Variants in RBMS3 observed in about 807,000 individuals in gnomAD.
RBMS3 encodes the protein RNA-binding motif, single-stranded-interacting protein 3.
Under a neutral mutation model 66.8 loss-of-function variants are expected in RBMS3, and 27 were observed. The ratio of observed to expected loss-of-function variants is 0.40; its 90% CI spans 0.30 to 0.56. The LOEUF (loss-of-function observed/expected upper bound fraction) is 0.56. Among genes scored for constraint, RBMS3 ranks in the 20% least tolerant of loss-of-function variants. The pLI is 0.40. For synonymous variants in RBMS3, 188 were observed against 183.0 expected (o/e 1.03, Z -0.22); for missense variants, 513 against 549.5 (o/e 0.93, Z 0.66).
At chr3:29,445,369 A>G (rs140972790) in intron 2 of RBMS3, among the ~76,000 whole-genome samples, 1 of 151,766 alleles carries the variant, frequency 6.6e-6, no homozygotes, top group Non-Finnish European at 1.5e-5. Context: ...AGAAACAAAT[A>G]AGGATCAATA....
At chr3:29,959,767 G>T (rs1696296490) in intron 12 of RBMS3, among the ~76,000 whole-genome samples, 1 of 152,076 alleles carries the variant, frequency 6.6e-6, no homozygotes, top group Non-Finnish European at 1.5e-5. Context: ...CAGCAGCAAG[G>T]AGAAGTGCCA....
intron 12 of RBMS3, among the ~76,000 whole-genome samples, chr3:29,962,723 G>A (rs1010143534): frequency 1.3e-5 from 2 of 151,820 alleles, no homozygotes; most frequent in Non-Finnish European, 2.9e-5. Flanking sequence ...TTTCATAACT[G>A]AAAGCATCTA....
intron 6 of RBMS3, among the ~76,000 whole-genome samples, chr3:29,774,029 C>T (rs2056328454): frequency 6.6e-6 from 1 of 152,072 alleles, no homozygotes; most frequent in Non-Finnish European, 1.5e-5. Flanking sequence ...AAGTCTGTTT[C>T]TGGTGAACCC....
intron 3 of RBMS3, among the ~76,000 whole-genome samples, chr3:29,514,650 CATATATATATATATAT>C (rs10601940): frequency 2.9e-5 from 3 of 103,690 alleles, no homozygotes; most frequent in African/African-American, 4.6e-5. Context: ...GTGATAGGCA[CATATATATATATATAT>C]ATATATATAT....
chr3:29,638,594 A>G (rs995555099), intron 4 of RBMS3, among the ~76,000 whole-genome samples: 1 of 151,890 alleles, frequency 6.6e-6, no homozygotes, highest in Admixed American at 6.6e-5. Flanking sequence ...CACTATTTGC[A>G]GTACAATTCG....
At chr3:29,463,877 T>A (rs924171420) in intron 2 of RBMS3, among the ~76,000 whole-genome samples, 3 of 152,106 alleles carry the variant, frequency 2.0e-5, no homozygotes, top group African/African-American at 7.2e-5. Flanking sequence ...AAATAGAGTG[T>A]TATCCTGTTG....
chr3:29,390,421 T>C (rs573708566), intron 1 of RBMS3, among the ~76,000 whole-genome samples: 2 of 152,346 alleles, frequency 1.3e-5, no homozygotes, highest in African/African-American at 4.8e-5. Context: ...AGGCCCTGAC[T>C]ATCAATGCAT....
chr3:29,710,105 G>A (rs954323629), intron 4 of RBMS3, among the ~76,000 whole-genome samples: 3 of 152,250 alleles, frequency 2.0e-5, no homozygotes, highest in Middle Eastern at 3.4e-3. Context: ...ATACACATAC[G>A]ATAATTTTTA....
intron 10 of RBMS3, among the ~76,000 whole-genome samples, chr3:29,923,076 C>A (rs1868488): frequency 0.87 from 132,976 of 152,238 alleles, 58,180 homozygotes; most frequent in East Asian, 0.99. Flanking sequence ...ACTCGATGAC[C>A]TGTGAGGGTT....
rs191371869 is a variant in RBMS3 at position 29,729,072 on chromosome 3, T to G, written c.400-10648T>G. Among the ~76,000 whole-genome samples the G allele has an allele frequency of 7.2e-5, 11 of 152,168 alleles. No homozygotes were observed. The East Asian group carries it at 2.1e-3, about 29-fold the overall frequency. The stretch of plus-strand genomic sequence containing the variant: ...ATACGTATACATGTGCCATGTTGGT[T>G]TGCTGCACCCATCAGCTTGTCATTT... On this transcript the variant is annotated intron_variant, in intron 4 of 14. Coordinates refer to ENST00000383767, the MANE Select transcript of RBMS3 (RefSeq NM_001003793.3).
chr3:29,581,166 A>G (rs1404808773), intron 3 of RBMS3, among the ~76,000 whole-genome samples: 1 of 152,170 alleles, frequency 6.6e-6, no homozygotes, highest in Non-Finnish European at 1.5e-5. Context: ...CCCCTGTGGT[A>G]TCCCGGCTTT....
At chr3:29,826,030 T>A (rs1304589928) in intron 6 of RBMS3, among the ~76,000 whole-genome samples, 1 of 152,218 alleles carries the variant, frequency 6.6e-6, no homozygotes, top group African/African-American at 2.4e-5. Flanking sequence ...CTTTGAAAGC[T>A]TTTGAAAGAT....
chr3:29,780,389 T>C (rs2056588950), intron 6 of RBMS3, among the ~76,000 whole-genome samples: 1 of 152,060 alleles, frequency 6.6e-6, no homozygotes, highest in African/African-American at 2.4e-5. Flanking sequence ...TATTAAACAT[T>C]TGTCCATTGC....
chr3:29,871,332 A>T (rs2059486772), intron 7 of RBMS3, among the ~76,000 whole-genome samples: 1 of 152,150 alleles, frequency 6.6e-6, no homozygotes, highest in Non-Finnish European at 1.5e-5. Flanking sequence ...TTTCATAAAT[A>T]AAAGCACTAA....
chr3:29,357,851 T>C (rs1259001708), intron 1 of RBMS3, among the ~76,000 whole-genome samples: 1 of 152,240 alleles, frequency 6.6e-6, no homozygotes, highest in Admixed American at 6.5e-5. Flanking sequence ...TGTCTTCTTT[T>C]GAGAAGTGTC....
At chr3:29,565,581 A>T (rs1244601110) in intron 3 of RBMS3, among the ~76,000 whole-genome samples, 1 of 152,172 alleles carries the variant, frequency 6.6e-6, no homozygotes, top group Admixed American at 6.6e-5. Flanking sequence ...TAGGCAAGCA[A>T]CCAGGAGGTC....
chr3:29,537,470 A>G (rs1449907043), intron 3 of RBMS3, among the ~76,000 whole-genome samples: 1 of 152,234 alleles, frequency 6.6e-6, no homozygotes, highest in Non-Finnish European at 1.5e-5. Flanking sequence ...TTCTTAGGTG[A>G]AAGTTGTTTC....
At chr3:29,939,124 G>A (rs906144233) in intron 11 of RBMS3, among the ~76,000 whole-genome samples, 7 of 151,842 alleles carry the variant, frequency 4.6e-5, no homozygotes, top group East Asian at 1.9e-4. Context: ...TTTCTTTAAC[G>A]TCTCCATTTC....
intron 4 of RBMS3, among the ~76,000 whole-genome samples, chr3:29,612,407 A>G (rs1381318206): frequency 6.6e-6 from 1 of 152,080 alleles, no homozygotes; most frequent in Non-Finnish European, 1.5e-5. Flanking sequence ...TGAGCCCTGT[A>G]TTAATGAATA....
Sources: allele counts gnomAD v4.1 joint callset (sites outside exome capture counted in the v4.1 genomes callset), GRCh38; gene constraint gnomAD v4.1.1; transcripts MANE v1.5; gene names NCBI Gene and HGNC (gene_info 2026-07-23, HGNC 2026-07-21).